The following MIER2 variants were observed in gnomAD, a reference collection of about 807,000 sequenced individuals.
MIER2 encodes the protein mesoderm induction early response protein 2.
A neutral mutation model predicts 67.6 loss-of-function variants in MIER2; 30 were observed. That is an observed-to-expected ratio of 0.44 (90% CI 0.33 to 0.60). The LOEUF is 0.60. Ranked by LOEUF, MIER2 falls within the 20% of genes least tolerant of loss-of-function variation. The pLI is 0.02. For synonymous variants in MIER2, 372 were observed against 312.6 expected (o/e 1.19, Z -2.00); for missense variants, 702 against 745.1 (o/e 0.94, Z 0.67).
At chr19:315,358 T>A (rs1197074284) in intron 7 of MIER2, among the ~76,000 whole-genome samples, 1 of 152,216 alleles carries the variant, frequency 6.6e-6, no homozygotes, top group Non-Finnish European at 1.5e-5. Flanking sequence ...AGAGCGAGAC[T>A]CCGTCTCAAA....
intron 1 of MIER2, chr19:343,875 C>A (rs1378405313): frequency 1.0e-6 from 1 of 985,300 alleles, no homozygotes; most frequent in African/African-American, 1.7e-5. Flanking sequence ...GCTCATCCAC[C>A]ACTCCAAAAT....
chr19:338,561 A>G (rs559629460), intron 1 of MIER2, among the ~76,000 whole-genome samples: 1 of 147,660 alleles, frequency 6.8e-6, no homozygotes, highest in African/African-American at 2.6e-5. Context: ...GCTTCTTTGT[A>G]GAAACCCACG....
chr19:338,009 T>C lies in MIER2; in HGVS notation c.10-1836A>G, dbSNP rs570421493. ...CAACAAGGTGAAACCCTGTCTCTAC[T>C]AAAAATGTAAAAATTAGCTGGGTGT... On this transcript the variant is annotated intron_variant, in intron 1 of 13. Coordinates refer to ENST00000264819, the MANE Select transcript of MIER2 (RefSeq NM_017550.3). Among the ~76,000 whole-genome samples the C allele has an allele frequency of 2.4e-4, 36 of 149,822 alleles. No individual in the cohort carries two copies. In the East Asian group the frequency reaches 6.7e-3, roughly 28 times the overall value.
At chr19:309,090 C>A (rs976407739) in intron 10 of MIER2, among the ~76,000 whole-genome samples, 165 bp from the exon 11 acceptor site, 1 of 152,112 alleles carries the variant, frequency 6.6e-6, no homozygotes, top group African/African-American at 2.4e-5. Context: ...TAACAGGCCA[C>A]AGGCTATGCC....
At chr19:325,772 G>A in intron 6 of MIER2, 68 bp from the exon 7 acceptor site, 3 of 1,568,752 alleles carry the variant, frequency 1.9e-6, no homozygotes, top group Non-Finnish European at 2.6e-6. Context: ...GCTGGCTGCA[G>A]CGTGCTGTGG....
chr19:317,531 A>AAAATAAATAAAT (rs370133340), intron 7 of MIER2, among the ~76,000 whole-genome samples: 18,793 of 143,734 alleles, frequency 0.13, 1,526 homozygotes, highest in East Asian at 0.35. Context: ...TGTCTCAGAA[A>AAAATAAATAAAT]AAATAAATAA....
rs1166013722 is a variant in MIER2 at position 336,332 on chromosome 19, C to T, written c.10-159G>A. On this transcript the variant is annotated intron_variant, in intron 1 of 13. Transcript: ENST00000264819. ...TCTGAGGGCTGGGGGGCACTAGGAG[C>T]AGCACACGCATGTGGCCGCCACTCG... The T allele has an allele frequency of 9.6e-6, 6 of 626,144 alleles. No homozygotes were observed. The African/African-American group carries it at 1.1e-4, about 11-fold the overall frequency. 38.8% of individuals were successfully genotyped at this position (626,144 alleles called of 1,614,324 possible). A position where few individuals can be genotyped will look rare whatever the true frequency, so the allele number is the denominator to read the frequency against.
At chr19:325,271 C>T (rs1021535295) in intron 7 of MIER2, among the ~76,000 whole-genome samples, 4 of 152,232 alleles carry the variant, frequency 2.6e-5, no homozygotes, top group African/African-American at 4.8e-5. Flanking sequence ...CAGCATCCGG[C>T]GGGTCTCTGG....
In MIER2 at chr19:325,702, C is replaced by T. The variant is rs779732338; in HGVS notation, c.588G>A (p.Glu196=). ...DSLPANKCKK[E]IMVGPQFQAD... is the part of the protein sequence containing the mutation. ...CTTGGAACTGAGGTCCCACCATGAT[C>T]TCCTGCAAAGCAAGCACCTGGGAAT... The change falls in exon 7 of 14, where the codon GAG becomes GAA. Residue 196 remains glutamate (E), a splice_region_variant and synonymous_variant. Transcript: ENST00000264819. 7.4e-6 allele frequency: 12 copies of T among 1,614,198 alleles called. No individual in the cohort carries two copies. The South Asian group carries it at 9.9e-5, about 13-fold the overall frequency.
At chr19:326,822 C>T (rs574060922) in intron 5 of MIER2, 16 of 586,830 alleles carry the variant, frequency 2.7e-5, no homozygotes, top group African/African-American at 5.6e-5. Flanking sequence ...GGCCCCGAGC[C>T]CTCAGTTCCC....
intron 6 of MIER2, among the ~76,000 whole-genome samples, chr19:326,184 G>T (rs1971734942): frequency 1.3e-5 from 2 of 151,844 alleles, no homozygotes; most frequent in African/African-American, 4.8e-5. Context: ...ACCACGGCTG[G>T]GATGCCAGGT....
chr19:311,756 C>G (rs985644972), intron 10 of MIER2, 89 bp downstream of exon 10: 18 of 1,278,428 alleles, frequency 1.4e-5, no homozygotes, highest in Non-Finnish European at 2.0e-5. Context: ...CTCCAGGCCT[C>G]CAGTCGGCCG....
chr19:325,730 G>A (rs747457573), intron 6 of MIER2, 26 bp from the exon 7 acceptor site: 5 of 1,613,936 alleles, frequency 3.1e-6, no homozygotes, highest in East Asian at 2.2e-5. Flanking sequence ...CTGGGAATCA[G>A]GACACTGAGG....
intron 1 of MIER2, among the ~76,000 whole-genome samples, chr19:339,024 G>A (rs1262155644): frequency 1.4e-4 from 21 of 149,016 alleles, no homozygotes. Context: ...AAAAAAGTTT[G>A]TGACCTTGGA....
chr19:306,699 C>A lies in MIER2; in HGVS notation c.1629G>T (p.Met543Ile). The A allele has an allele frequency of 6.4e-7, 1 of 1,560,646 alleles. No individual in the cohort carries two copies. Among genetic ancestry groups the A allele is most frequent in the South Asian group, 1.2e-5 (1 of 84,572 alleles). ...HSEPLSHCNV[M>I]TC The stretch of plus-strand genomic sequence containing the variant: ...CGCCCGCGGCCAGGAGTCAGCAGGT[C>A]ATCACGTTACAGCTGCAGGGGAGAG... The change falls in exon 14 of 14, where the codon ATG becomes ATT. Residue 543 changes from methionine (M) to isoleucine (I), a missense_variant. By Grantham distance (10) the Met-to-Ile change is conservative. This residue lies in a region of MIER2 where 254 missense variants were observed against 262.8 expected (regional missense o/e 0.97). Coordinates refer to ENST00000264819, the MANE Select transcript of MIER2 (RefSeq NM_017550.3).
At chr19:332,414 T>C (rs550371752) in intron 3 of MIER2, among the ~76,000 whole-genome samples, 29 of 152,154 alleles carry the variant, frequency 1.9e-4, no homozygotes, top group Non-Finnish European at 2.9e-5. Flanking sequence ...GCGATTCTCC[T>C]GCCTCAGCCC....
chr19:310,597 A>AGG (rs1970928745), intron 10 of MIER2, among the ~76,000 whole-genome samples: 6 of 55,416 alleles, frequency 1.1e-4, no homozygotes, highest in South Asian at 5.4e-4. Context: ...CTGCAGAAAC[A>AGG]CAGCCGGGAG....
At chr19:341,301 G>C (rs1424021030) in intron 1 of MIER2, among the ~76,000 whole-genome samples, 1 of 141,328 alleles carries the variant, frequency 7.1e-6, no homozygotes, top group African/African-American at 2.6e-5. Flanking sequence ...AGTCCCGCAG[G>C]CTTGAGATCC....
chr19:306,324 G>T lies in MIER2; in HGVS notation c.*366C>A. The T allele has an allele frequency of 3.1e-6, 1 of 321,380 alleles. No homozygotes were observed. Among genetic ancestry groups the T allele is most frequent in the Non-Finnish European group, 5.7e-6 (1 of 174,450 alleles). 19.9% of individuals were successfully genotyped at this position (321,380 alleles called of 1,614,324 possible). ...TCCTGCCCGTCTCCCCGCCGGGGCA[G>T]TGACGCCTTCCCTCGCCTCTGCTGG... On this transcript the variant is annotated 3_prime_UTR_variant, in exon 14 of 14. Transcript: ENST00000264819.
Sources: allele counts gnomAD v4.1 joint callset (sites outside exome capture counted in the v4.1 genomes callset), GRCh38; gene constraint gnomAD v4.1.1; regional missense constraint gnomAD v4.1.1; transcripts MANE v1.5; gene names NCBI Gene and HGNC (gene_info 2026-07-23, HGNC 2026-07-21).